Variants in KCTD5 observed in about 807,000 individuals in gnomAD.
The protein encoded by KCTD5 is BTB/POZ domain-containing protein KCTD5.
In KCTD5, 12 loss-of-function variants were observed where a neutral mutation model predicts 27.9. That is an observed-to-expected ratio of 0.43 (90% CI 0.28 to 0.70). The LOEUF is 0.70. Ranked by LOEUF, KCTD5 falls within the 30% of genes least tolerant of loss-of-function variation. The pLI is 0.19. For synonymous variants in KCTD5, 147 were observed against 121.4 expected, an observed-to-expected ratio of 1.21 and a Z score of -1.39; for missense variants, 226 against 274.8, an observed-to-expected ratio of 0.82 and a Z score of 1.26.
intron 3 of KCTD5, among the ~76,000 whole-genome samples, chr16:2,698,652 A>G (rs1342692350): frequency 7.4e-6 from 1 of 135,722 alleles, no homozygotes; most frequent in South Asian, 2.7e-4. Flanking sequence ...TGTGTGCCGC[A>G]CTGTGGCCGC....
rs979396061 is a variant in KCTD5 at position 2,707,886 on chromosome 16, C to T, written c.*559C>T. 3.6e-4 allele frequency: 61 copies of T among 168,570 alleles called. No individual in the cohort carries two copies. The highest frequency in any genetic ancestry group is 1.3e-3 in the African/African-American group (54 of 42,154). The allele number at this position is 168,570 out of a possible 1,614,324, so 10.4% of individuals were successfully genotyped here. A position where few individuals can be genotyped will look rare whatever the true frequency, so the allele number is the denominator to read the frequency against. On this transcript the variant is annotated 3_prime_UTR_variant, in exon 6 of 6. Transcript: ENST00000301738. ...TCGTCACTGCTTCCCGGCGCCATTC[C>T]GAGGCCGGGCCTTCTTCTGACACGG...
At chr16:2,698,066 C>A in intron 3 of KCTD5, 69 bp downstream of exon 3, 2 of 1,123,902 alleles carry the variant, frequency 1.8e-6, no homozygotes, top group Admixed American at 1.9e-5. Flanking sequence ...TTTACTCCCC[C>A]GACCGGCTGC....
chr16:2,705,790 G>T (rs2067632979), intron 5 of KCTD5, among the ~76,000 whole-genome samples: 1 of 152,194 alleles, frequency 6.6e-6, no homozygotes, highest in East Asian at 1.9e-4. Flanking sequence ...GAAAAGATGG[G>T]TCTCACCCCA....
intron 1 of KCTD5, among the ~76,000 whole-genome samples, chr16:2,687,670 C>G (rs1041428052): frequency 6.6e-6 from 1 of 152,186 alleles, no homozygotes; most frequent in African/African-American, 2.4e-5. Flanking sequence ...TCGCCCCGGC[C>G]CTGTCGTTAA....
At chr16:2,696,961 C>T (rs2067588961) in intron 2 of KCTD5, among the ~76,000 whole-genome samples, 1 of 152,244 alleles carries the variant, frequency 6.6e-6, no homozygotes. Flanking sequence ...TCTCATTCTG[C>T]CCCTAGTGGG....
chr16:2,688,232 T>TAA (rs1567193104), intron 1 of KCTD5, among the ~76,000 whole-genome samples: 3 of 119,236 alleles, frequency 2.5e-5, no homozygotes, highest in African/African-American at 3.5e-5. Flanking sequence ...TAAATAAATA[T>TAA]ATATATATAT....
At chr16:2,704,604 G>C (rs2067626829) in intron 5 of KCTD5, among the ~76,000 whole-genome samples, 1 of 152,242 alleles carries the variant, frequency 6.6e-6, no homozygotes, top group African/African-American at 2.4e-5. Flanking sequence ...GATCAGCAAG[G>C]GCGGGCACCT....
intron 5 of KCTD5, 32 bp downstream of exon 5, chr16:2,702,510 G>T (rs201376163): frequency 3.1e-6 from 5 of 1,606,672 alleles, no homozygotes; most frequent in Non-Finnish European, 4.3e-6. Context: ...GCCTGGGGCA[G>T]TCTTGGGTGG....
intron 3 of KCTD5, 144 bp downstream of exon 3, chr16:2,698,141 C>A: frequency 1.6e-6 from 1 of 615,672 alleles, no homozygotes; most frequent in East Asian, 2.8e-5. Context: ...TGTCACTGCC[C>A]CAGTGCCTGC....
intron 1 of KCTD5, among the ~76,000 whole-genome samples, chr16:2,693,306 C>T (rs554855344): frequency 6.6e-6 from 1 of 152,360 alleles, no homozygotes; most frequent in Non-Finnish European, 1.5e-5. Flanking sequence ...CACGTGATGG[C>T]AGCAGCTGCA....
intron 5 of KCTD5, among the ~76,000 whole-genome samples, chr16:2,704,257 G>A (rs2067624841): frequency 6.6e-6 from 1 of 152,252 alleles, no homozygotes; most frequent in Admixed American, 6.5e-5. Flanking sequence ...GTGGGGGATT[G>A]CGGGGGCCAG....
intron 4 of KCTD5, 62 bp downstream of exon 4, chr16:2,699,978 C>T: frequency 6.9e-7 from 1 of 1,440,116 alleles, no homozygotes; most frequent in African/African-American, 1.4e-5. Context: ...CTCACAATGG[C>T]TCAGGGCTCA....
chr16:2,697,884 A>T, intron 2 of KCTD5, 22 bp from the exon 3 acceptor site: 1 of 1,535,398 alleles, frequency 6.5e-7, no homozygotes, highest in Non-Finnish European at 9.0e-7. Flanking sequence ...TGGTAAAGAC[A>T]ATTTATTTTT....
rs2067649491 is a variant in KCTD5 at position 2,708,940 on chromosome 16, T to C, written c.*1613T>C. ...TTATTCTAAGGGGATATTTATACTTTTATACTTTTTTAGGTATCGTATTTT... is the reference window on the plus strand; with the variant it reads ...TTATTCTAAGGGGATATTTATACTTCTATACTTTTTTAGGTATCGTATTTT... On this transcript the variant is annotated 3_prime_UTR_variant, in exon 6 of 6. Coordinates refer to ENST00000301738, the MANE Select transcript of KCTD5 (RefSeq NM_018992.4). 6.6e-6 allele frequency: 1 copy of C among 152,270 alleles called. No homozygotes were observed. The highest frequency in any genetic ancestry group is 1.5e-5 in the Non-Finnish European group (1 of 68,046). 9.4% of individuals were successfully genotyped at this position (152,270 alleles called of 1,614,324 possible). A position where few individuals can be genotyped will look rare whatever the true frequency, so the allele number is the denominator to read the frequency against.
chr16:2,682,863 G>T (rs1471455793), intron 1 of KCTD5, 63 bp downstream of exon 1: 7 of 1,500,184 alleles, frequency 4.7e-6, no homozygotes, highest in Non-Finnish European at 6.2e-6. Flanking sequence ...TCCTGCACAC[G>T]CCCTGCTTCG....
Position 2,682,566 on chromosome 16 carries a change from C to T in KCTD5, c.18C>T (p.Cys6=). 6 of 1,414,126 alleles carry T rather than the reference C, an allele frequency of 4.2e-6. No homozygotes were observed. The highest frequency in any genetic ancestry group is 5.5e-6 in the Non-Finnish European group (6 of 1,088,080). The allele number at this position is 1,414,126 out of a possible 1,614,324, so 87.6% of individuals were successfully genotyped here. Residue 6 remains cysteine (C), a synonymous_variant, in exon 1 of 6, where the codon TGC becomes TGT. Transcript: ENST00000301738. The part of the protein sequence containing the change: MAENH[C]ELLSPARGGI... ...CTGGGATCATGGCGGAGAATCACTG[C>T]GAGCTCCTGTCGCCGGCCCGGGGCG...
At chr16:2,692,912 G>A (rs1369139696) in intron 1 of KCTD5, among the ~76,000 whole-genome samples, 1 of 152,268 alleles carries the variant, frequency 6.6e-6, no homozygotes, top group Non-Finnish European at 1.5e-5. Flanking sequence ...GTGCAGGGAT[G>A]CCTGAGGCTG....
At chr16:2,699,243 C>T (rs555191745) in intron 3 of KCTD5, 40 of 455,836 alleles carry the variant, frequency 8.8e-5, no homozygotes, top group South Asian at 3.7e-4. Context: ...TGCAGGCGGG[C>T]GGCCCTGGTG....
At chr16:2,700,804 C>G (rs1596225001) in intron 4 of KCTD5, among the ~76,000 whole-genome samples, 2 of 39,028 alleles carry the variant, frequency 5.1e-5, no homozygotes, top group African/African-American at 2.2e-4. Context: ...GTACTTGGAG[C>G]CCCCCCCCCC....
Sources: gnomAD v4.1 joint callset for allele counts (sites outside exome capture counted in the v4.1 genomes callset) on GRCh38, gnomAD v4.1.1 for gene constraint, MANE v1.5 for transcripts, NCBI Gene and HGNC (gene_info 2026-07-23, HGNC 2026-07-21) for gene names.